The following CHST11 variants were observed in gnomAD, a reference collection of about 807,000 sequenced individuals.
CHST11 encodes carbohydrate sulfotransferase 11.
CHST11 carries 9 observed loss-of-function variants against 30.4 expected under a neutral mutation model. The ratio of observed to expected loss-of-function variants is 0.30; its 90% confidence interval spans 0.18 to 0.52. The LOEUF is 0.52. Ranked by LOEUF, CHST11 falls within the 20% of genes least tolerant of loss-of-function variation. CHST11 has a pLI of 0.97. For missense variants in CHST11, 348 were observed against 460.6 expected, an observed-to-expected ratio of 0.76 and a Z score of 2.24; for synonymous variants, 152 against 187.8, an observed-to-expected ratio of 0.81 and a Z score of 1.56.
intron 2 of CHST11, among the ~76,000 whole-genome samples, chr12:104,677,220 C>T (rs1327223293): frequency 1.3e-5 from 2 of 152,178 alleles, no homozygotes; most frequent in Non-Finnish European, 1.5e-5. Context: ...CCTGTAATAA[C>T]AAACAGAGCC....
chr12:104,554,076 C>T (rs970013268), intron 1 of CHST11, among the ~76,000 whole-genome samples: 2 of 151,990 alleles, frequency 1.3e-5, no homozygotes, highest in South Asian at 2.1e-4. Context: ...TCAAAGCCAT[C>T]GAGAGAGTGA....
intron 1 of CHST11, among the ~76,000 whole-genome samples, chr12:104,556,980 C>CAAAAA: frequency 1.3e-5 from 1 of 77,212 alleles, no homozygotes; most frequent in Non-Finnish European, 2.7e-5. Context: ...GACTCTGTCT[C>CAAAAA]AAAAAAAAAA....
intron 1 of CHST11, among the ~76,000 whole-genome samples, chr12:104,583,093 G>A (rs142714950): frequency 1.4e-3 from 206 of 152,204 alleles, no homozygotes; most frequent in Non-Finnish European, 2.1e-3. Context: ...ACATACATAT[G>A]TGTTGTATAC....
At chr12:104,610,716 G>C (rs757583569) in intron 2 of CHST11, among the ~76,000 whole-genome samples, 1 of 152,198 alleles carries the variant, frequency 6.6e-6, no homozygotes, top group Non-Finnish European at 1.5e-5. Context: ...AGAGACATCG[G>C]GGGTGAGAGG....
intron 1 of CHST11, among the ~76,000 whole-genome samples, chr12:104,573,311 TC>T (rs1164115092): frequency 1.3e-5 from 2 of 152,018 alleles, no homozygotes; most frequent in African/African-American, 4.8e-5. Context: ...TTCAGTGCCA[TC>T]CCCATCAAGC....
At chr12:104,737,635 T>TG (rs1351747533) in intron 2 of CHST11, among the ~76,000 whole-genome samples, 1 of 152,236 alleles carries the variant, frequency 6.6e-6, no homozygotes, top group Non-Finnish European at 1.5e-5. Context: ...TTGACCCTTT[T>TG]GCCCAGTGCC....
At chr12:104,479,444 G>A (rs937336260) in intron 1 of CHST11, among the ~76,000 whole-genome samples, 8 of 152,126 alleles carry the variant, frequency 5.3e-5, no homozygotes, top group East Asian at 1.9e-4. Context: ...CTCCTAGAAC[G>A]GTGCCTGTCC....
intron 1 of CHST11, among the ~76,000 whole-genome samples, chr12:104,484,666 T>C (rs2135963066): frequency 6.6e-6 from 1 of 152,372 alleles, no homozygotes; most frequent in Non-Finnish European, 1.5e-5. Context: ...TGTATGATTG[T>C]TATCACCCTA....
chr12:104,469,742 A>G (rs2135953398), intron 1 of CHST11, among the ~76,000 whole-genome samples: 1 of 152,038 alleles, frequency 6.6e-6, no homozygotes, highest in South Asian at 2.1e-4. Flanking sequence ...TCCCTTCTTC[A>G]CCAGACCAGG....
chr12:104,557,559 A>G (rs2038469639), intron 1 of CHST11, among the ~76,000 whole-genome samples: 1 of 152,070 alleles, frequency 6.6e-6, no homozygotes, highest in Non-Finnish European at 1.5e-5. Flanking sequence ...CCTGAAGCCC[A>G]GAGGGGAGAG....
intron 1 of CHST11, chr12:104,552,269 T>C (rs186094680): frequency 6.6e-6 from 1 of 152,426 alleles, no homozygotes; most frequent in Non-Finnish European, 1.5e-5. Context: ...TTTGCCCAGA[T>C]GTTCTTCCTC....
In CHST11 at chr12:104,643,483, C is replaced by T. The variant is rs117354117; in HGVS notation, c.204+41492C>T. ...CAAAGTCCAAGTCTTTCCCTCTGTA[C>T]CATGGTAGGGGCAGTGTGCCACTGT... On this transcript the variant is annotated intron_variant, in intron 2 of 2. Transcript: ENST00000303694. 9.3e-3 allele frequency among the ~76,000 whole-genome samples: 1,422 copies of T among 152,244 alleles called. 63 individuals are homozygous for T. In the East Asian group the frequency reaches 0.12, roughly 12 times the overall value.
intron 2 of CHST11, among the ~76,000 whole-genome samples, chr12:104,750,550 T>C (rs2040422908): frequency 6.7e-6 from 1 of 150,328 alleles, no homozygotes; most frequent in South Asian, 2.1e-4. Context: ...CAAGTGATTT[T>C]CCCCTGCCTC....
rs190119352 is a variant in CHST11 at position 104,712,899 on chromosome 12, T to C, written c.205-44050T>C. ...AACTTAAAGTCTTCCGTTATTTGGCTGGGGACAGGGGGATTGTTATTTTAG... is the reference window on the plus strand; with the variant it reads ...AACTTAAAGTCTTCCGTTATTTGGCCGGGGACAGGGGGATTGTTATTTTAG... On this transcript the variant is annotated intron_variant, in intron 2 of 2. Transcript: ENST00000303694. Among the ~76,000 whole-genome samples the C allele has an allele frequency of 3.9e-5, 6 of 152,286 alleles. No homozygotes were observed. The East Asian group carries it at 1.2e-3, about 29-fold the overall frequency.
intron 2 of CHST11, among the ~76,000 whole-genome samples, chr12:104,720,946 G>A (rs2040171087): frequency 6.6e-6 from 1 of 152,166 alleles, no homozygotes; most frequent in Non-Finnish European, 1.5e-5. Flanking sequence ...CGTGGATGTA[G>A]GAAGGGCGGA....
At chr12:104,538,890 C>T (rs918872639) in intron 1 of CHST11, among the ~76,000 whole-genome samples, 1 of 152,192 alleles carries the variant, frequency 6.6e-6, no homozygotes, top group Admixed American at 6.5e-5. Context: ...ACTTACATAG[C>T]ACTTCTTGTA....
At chr12:104,646,893 T>TGGAAAA (rs2039438368) in intron 2 of CHST11, among the ~76,000 whole-genome samples, 1 of 152,190 alleles carries the variant, frequency 6.6e-6, no homozygotes, top group Non-Finnish European at 1.5e-5. Flanking sequence ...GAGTGCTTAT[T>TGGAAAA]CTGTGCTGGG....
At chr12:104,628,741 CT>C (rs1432325035) in intron 2 of CHST11, among the ~76,000 whole-genome samples, 1 of 152,202 alleles carries the variant, frequency 6.6e-6, no homozygotes, top group African/African-American at 2.4e-5. Flanking sequence ...GCTGTTCTTT[CT>C]GCTTCACCTC....
intron 2 of CHST11, among the ~76,000 whole-genome samples, chr12:104,723,710 C>G (rs1163619820): frequency 2.0e-5 from 3 of 152,214 alleles, no homozygotes; most frequent in African/African-American, 7.2e-5. Context: ...CCCCTAATTA[C>G]TGTGACCCTA....
Sources: gnomAD v4.1 joint callset for allele counts (sites outside exome capture counted in the v4.1 genomes callset) on GRCh38, gnomAD v4.1.1 for gene constraint, MANE v1.5 for transcripts, NCBI Gene and HGNC (gene_info 2026-07-23, HGNC 2026-07-21) for gene names.